The following ENTREP1 variants were observed in gnomAD, a reference collection of about 807,000 sequenced individuals.
ENTREP1 encodes Friedreich ataxia region gene X123.
chr9:69,343,405 G>C, the ENTREP1 span, among the ~76,000 whole-genome samples: 1 of 152,320 alleles, frequency 6.6e-6, no homozygotes, highest in East Asian at 1.9e-4. Context: ...GATGAGCCAA[G>C]GAGAGAATAT....
At chr9:69,353,573 C>G in the ENTREP1 span, among the ~76,000 whole-genome samples, 1 of 152,186 alleles carries the variant, frequency 6.6e-6, no homozygotes, top group African/African-American at 2.4e-5. Context: ...AATAATCTTC[C>G]TAATGAATTT....
chr9:69,349,184 CAAA>C, the ENTREP1 span, among the ~76,000 whole-genome samples: 2 of 85,272 alleles, frequency 2.3e-5, no homozygotes, highest in Middle Eastern at 5.8e-3. Context: ...AACTCCATCT[CAAA>C]AAAAAAAAAA....
At chr9:69,337,775 T>C in the ENTREP1 span, among the ~76,000 whole-genome samples, 710 of 152,278 alleles carry the variant, frequency 4.7e-3, 7 homozygotes, top group African/African-American at 0.016. Flanking sequence ...AGATTTGAAT[T>C]GTGGTATACT....
chr9:69,327,504 A>G, the ENTREP1 span, among the ~76,000 whole-genome samples: 1 of 152,344 alleles, frequency 6.6e-6, no homozygotes, highest in East Asian at 1.9e-4. Flanking sequence ...GGATTCTTAA[A>G]AACTATTTTT....
At chr9:69,391,886 T>TG in the ENTREP1 span, 1 of 1,318,998 alleles carries the variant, frequency 7.6e-7, no homozygotes, top group Non-Finnish European at 1.0e-6. Context: ...GTGGTCCACC[T>TG]CAAAAAAAAG....
chr9:69,359,256 A>G, the ENTREP1 span, among the ~76,000 whole-genome samples: 239 of 152,256 alleles, frequency 1.6e-3, no homozygotes, highest in Non-Finnish European at 2.3e-3. Flanking sequence ...GACAGATGTG[A>G]CAGAGGCCAA....
the ENTREP1 span, among the ~76,000 whole-genome samples, chr9:69,365,008 T>A: frequency 1.3e-5 from 2 of 152,166 alleles, no homozygotes; most frequent in African/African-American, 4.8e-5. Flanking sequence ...CAGTCAGACA[T>A]TTTAGAAGTA....
the ENTREP1 span, among the ~76,000 whole-genome samples, chr9:69,363,934 G>A: frequency 1.3e-5 from 2 of 151,220 alleles, no homozygotes; most frequent in Non-Finnish European, 3.0e-5. Flanking sequence ...GTTCCCTAAA[G>A]GAGGCTGCAG....
chr9:69,369,881 A>G, the ENTREP1 span, among the ~76,000 whole-genome samples: 1 of 152,072 alleles, frequency 6.6e-6, no homozygotes, highest in Non-Finnish European at 1.5e-5. Context: ...CTTTTGCCCC[A>G]ATTTTTAATT....
At chr9:69,337,528 A>G in the ENTREP1 span, among the ~76,000 whole-genome samples, 153 of 152,254 alleles carry the variant, frequency 1.0e-3, 4 homozygotes, top group East Asian at 0.019. Flanking sequence ...TAGCAAAATG[A>G]ATCATTTTAA....
the ENTREP1 span, among the ~76,000 whole-genome samples, chr9:69,332,136 C>A: frequency 1.3e-5 from 2 of 152,210 alleles, no homozygotes; most frequent in Non-Finnish European, 2.9e-5. Context: ...AGGCTTCTAA[C>A]CATCCAGGCC....
the ENTREP1 span, among the ~76,000 whole-genome samples, chr9:69,349,958 G>A: frequency 1.3e-5 from 2 of 152,202 alleles, no homozygotes; most frequent in African/African-American, 4.8e-5. Context: ...AAAGGCAAAA[G>A]ATTATAGGGT....
chr9:69,365,074 T>C, the ENTREP1 span, among the ~76,000 whole-genome samples: 4 of 152,214 alleles, frequency 2.6e-5, no homozygotes, highest in African/African-American at 9.7e-5. Context: ...TTTAGGATTT[T>C]CTTTTTAAAA....
At chr9:69,370,993 G>A in the ENTREP1 span, among the ~76,000 whole-genome samples, 2 of 152,024 alleles carry the variant, frequency 1.3e-5, no homozygotes, top group Non-Finnish European at 2.9e-5. Context: ...GAAAATCTTT[G>A]TGTGCATATT....
the ENTREP1 span, chr9:69,336,220 T>G: frequency 1.3e-6 from 2 of 1,562,064 alleles, no homozygotes; most frequent in African/African-American, 2.7e-5. Context: ...CAGGTGATAC[T>G]CTCTGGAATC....
At chr9:69,389,027 G>T in the ENTREP1 span, among the ~76,000 whole-genome samples, 2 of 152,228 alleles carry the variant, frequency 1.3e-5, no homozygotes, top group East Asian at 1.9e-4. Context: ...ACATAATCCA[G>T]TTGGGTCTCA....
At chr9:69,346,177 T>G in the ENTREP1 span, among the ~76,000 whole-genome samples, 5 of 152,098 alleles carry the variant, frequency 3.3e-5, no homozygotes, top group African/African-American at 1.2e-4. Context: ...GAGACGGGGT[T>G]TCACCATGTT....
chr9:69,325,101 G>A, the ENTREP1 span: 3 of 985,286 alleles, frequency 3.0e-6, no homozygotes, highest in African/African-American at 1.7e-5. Context: ...AGGCGGACCC[G>A]CCAGGCGGCA....
the ENTREP1 span, among the ~76,000 whole-genome samples, chr9:69,357,497 T>A: frequency 6.6e-6 from 1 of 152,188 alleles, no homozygotes. Context: ...GTCGGTTCTG[T>A]TCACAGCAAC....
Sources: gnomAD v4.1 joint callset for allele counts (sites outside exome capture counted in the v4.1 genomes callset) on GRCh38, gnomAD v4.1.1 for gene constraint, MANE v1.5 for transcripts, NCBI Gene and HGNC (gene_info 2026-07-23, HGNC 2026-07-21) for gene names.